Variants in CCDC163 observed in about 807,000 individuals in gnomAD.
CCDC163 encodes transmembrane protein CCDC163.
CCDC163 carries 13 observed loss-of-function variants against 8.2 expected under a neutral mutation model. That is an observed-to-expected ratio of 1.59 (90% CI 1.04 to 2.54). The LOEUF (loss-of-function observed/expected upper bound fraction) is 2.54. CCDC163 is among the 30% of genes most tolerant of loss of function. The pLI is 0.00. For missense variants in CCDC163, 117 were observed against 78.6 expected, an observed-to-expected ratio of 1.49 and a Z score of -1.85; for synonymous variants, 41 against 30.9, an observed-to-expected ratio of 1.33 and a Z score of -1.08.
At chr1:45,499,205 G>C in intron 2 of CCDC163, 140 bp downstream of exon 2, 1 of 670,916 alleles carries the variant, frequency 1.5e-6, no homozygotes. Context: ...ATAAGGAAGG[G>C]TTAAGTGCAG....
chr1:45,496,972 C>T (rs1654207242), intron 3 of CCDC163, among the ~76,000 whole-genome samples: 1 of 152,112 alleles, frequency 6.6e-6, no homozygotes, highest in African/African-American at 2.4e-5. Flanking sequence ...ACCAGCTCGG[C>T]CAACATGGTG....
chr1:45,495,797 G>C (rs1654071376), intron 4 of CCDC163, among the ~76,000 whole-genome samples: 1 of 151,666 alleles, frequency 6.6e-6, no homozygotes, highest in African/African-American at 2.4e-5. Context: ...CTCTCGAGTA[G>C]CTGGGATTAC....
rs2149314446 is a variant in CCDC163, at chr1:45,495,516, A to G, written c.331-350T>C. The G allele has an allele frequency of 5.7e-6, 4 of 702,914 alleles. No individual in the cohort carries two copies. In the East Asian group the frequency reaches 1.1e-4, roughly 19 times the overall value. 43.5% of individuals were successfully genotyped at this position (702,914 alleles called of 1,614,324 possible). ...CATGGTGAAGGTAGTGGGCAGAGGC[A>G]GCTTAGATTGGACAACATGAATGGA... is the stretch of plus-strand genomic sequence containing the variant. On this transcript the variant is annotated intron_variant, in intron 4 of 4. Coordinates refer to ENST00000629482, the MANE Select transcript of CCDC163 (RefSeq NM_001102601.3).
At position 45,494,662 on chromosome 1, in the gene CCDC163, A is replaced by T; in HGVS notation, c.*397T>A. The stretch of plus-strand genomic sequence containing the variant: ...AAGTTCAACTGAGCTTGCACTCAGA[A>T]GGTACAGCTATAGGCTGGGCATGGT... On this transcript the variant is annotated 3_prime_UTR_variant, in exon 5 of 5. Transcript: ENST00000629482. 8.7e-6 allele frequency: 2 copies of T among 229,976 alleles called. 1 individual carries two copies. The highest frequency in any genetic ancestry group is 1.7e-5 in the Non-Finnish European group (2 of 114,460). 14.2% of individuals were successfully genotyped at this position (229,976 alleles called of 1,614,324 possible).
chr1:45,496,258 C>G (rs1350063411), intron 4 of CCDC163: 1 of 464,650 alleles, frequency 2.2e-6, no homozygotes, highest in Non-Finnish European at 4.0e-6. Context: ...TGCAACTGCT[C>G]TAACATCTGC....
At chr1:45,497,140 C>T (rs1654225917) in intron 3 of CCDC163, among the ~76,000 whole-genome samples, 159 bp downstream of exon 3, 2 of 152,076 alleles carry the variant, frequency 1.3e-5, no homozygotes, top group African/African-American at 4.8e-5. Flanking sequence ...GCCATTGCAA[C>T]ACAGCCTTGG....
At chr1:45,496,935 C>T (rs1159587571) in intron 3 of CCDC163, among the ~76,000 whole-genome samples, 2 of 152,220 alleles carry the variant, frequency 1.3e-5, no homozygotes, top group Non-Finnish European at 2.9e-5. Flanking sequence ...CCAAGGCAGG[C>T]GGATCATCTG....
rs1381543628 is a variant in CCDC163, at chr1:45,497,341, C to G, written c.220G>C (p.Glu74Gln). The change falls in exon 3 of 5, where the codon GAG (glutamate) becomes CAG (glutamine). Residue 74 changes from glutamate (E) to glutamine (Q), a missense_variant. Coordinates refer to ENST00000629482, the MANE Select transcript of CCDC163 (RefSeq NM_001102601.3). Reference protein sequence around the residue: ...VTPAVLWEESEIMQKELKLLQ... With the variant: ...VTPAVLWEESQIMQKELKLLQ... The stretch of plus-strand genomic sequence containing the variant: ...AACTTCAATTCCTTCTGCATAATCT[C>G]TGACTCCTCCCACAGCACTGCAGGA... 1.3e-6 allele frequency: 1 copy of G among 780,322 alleles called. No homozygotes were observed. The highest frequency in any genetic ancestry group is 1.7e-5 in the Admixed American group (1 of 59,018). 48.3% of individuals were successfully genotyped at this position (780,322 alleles called of 1,614,324 possible). A position where few individuals can be genotyped will look rare whatever the true frequency, so the allele number is the denominator to read the frequency against.
intron 4 of CCDC163, chr1:45,495,673 T>G (rs1570797548): frequency 4.2e-6 from 1 of 236,382 alleles, no homozygotes; most frequent in African/African-American, 6.1e-5. Flanking sequence ...TTTTTTTTTT[T>G]TTTTTTTTTT....
At position 45,495,184 on chromosome 1, in the gene CCDC163, G is replaced by A. The variant is rs774038555; in HGVS notation, c.331-18C>T. The A allele has an allele frequency of 7.7e-6, 6 of 780,802 alleles. No individual in the cohort carries two copies. The highest frequency in any genetic ancestry group is 1.7e-5 in the Admixed American group (1 of 59,020). 48.4% of individuals were successfully genotyped at this position (780,802 alleles called of 1,614,324 possible). On this transcript the variant is annotated intron_variant, in intron 4 of 4. Transcript: ENST00000629482. ...CTGGGGATCTAAGAGGAAAGAAAAG[G>A]GAAGAGAAAACAAGTCATCAGCAAG...
rs1643490601 is a variant in CCDC163 at position 45,499,747 on chromosome 1, G to A, written c.-138C>T. On this transcript the variant is annotated 5_prime_UTR_variant, in exon 1 of 5. Coordinates refer to ENST00000629482, the MANE Select transcript of CCDC163 (RefSeq NM_001102601.3). The stretch of plus-strand genomic sequence containing the variant: ...AGGGAAGTGGGGATGCAACACTGGG[G>A]TAGGTGGATGCACTATCAGACCAAA... 2 of 633,904 alleles carry A rather than the reference G, an allele frequency of 3.2e-6. No homozygotes were observed. Among genetic ancestry groups the A allele is most frequent in the Non-Finnish European group, 5.7e-6 (2 of 350,540 alleles). 39.3% of individuals were successfully genotyped at this position (633,904 alleles called of 1,614,324 possible).
intron 4 of CCDC163, among the ~76,000 whole-genome samples, chr1:45,495,754 C>A (rs1654066890): frequency 6.7e-6 from 1 of 149,288 alleles, no homozygotes; most frequent in South Asian, 2.1e-4. Flanking sequence ...GCAACCTCCA[C>A]CTCCTGGGTT....
Position 45,499,785 on chromosome 1 carries a change from T to C in CCDC163, c.-176A>G. ...CTATCAGACCAAAACTGCGATCCTG[T>C]GACTAGGGAAAGGAAGGACGCTCTT... On this transcript the variant is annotated 5_prime_UTR_variant, in exon 1 of 5. Coordinates refer to ENST00000629482, the MANE Select transcript of CCDC163 (RefSeq NM_001102601.3). 1.7e-6 allele frequency: 1 copy of C among 603,232 alleles called. No individual in the cohort carries two copies. The highest frequency in any genetic ancestry group is 3.0e-6 in the Non-Finnish European group (1 of 337,206). 37.4% of individuals were successfully genotyped at this position (603,232 alleles called of 1,614,324 possible).
intron 2 of CCDC163, among the ~76,000 whole-genome samples, chr1:45,497,923 C>T (rs1476844725): frequency 1.0e-4 from 15 of 145,592 alleles, no homozygotes; most frequent in Non-Finnish European, 1.1e-4. Flanking sequence ...ACAATGGCGG[C>T]TTTGTGGAAT....
chr1:45,499,283 C>T (rs541499906), intron 2 of CCDC163, 62 bp downstream of exon 2: 3 of 725,704 alleles, frequency 4.1e-6, no homozygotes, highest in South Asian at 2.9e-5. Context: ...ATGGATGATA[C>T]GGGCACTGGA....
intron 4 of CCDC163, among the ~76,000 whole-genome samples, chr1:45,495,910 G>C (rs756640979): frequency 6.6e-6 from 1 of 151,918 alleles, no homozygotes; most frequent in South Asian, 2.1e-4. Context: ...CGCCCACCTC[G>C]GCCTCCCAAA....
intron 3 of CCDC163, among the ~76,000 whole-genome samples, chr1:45,497,088 G>A (rs1654220097): frequency 6.6e-6 from 1 of 152,116 alleles, no homozygotes; most frequent in African/African-American, 2.4e-5. Flanking sequence ...CAGGAGAATC[G>A]CTTGGACTCG....
Position 45,496,373 on chromosome 1 carries a change from T to C in CCDC163, c.330+183A>G, listed in dbSNP as rs1355253043. Reference sequence around the variant, plus strand: ...TCATGTCGGCAAGGATAGTTTCTCATGGCCGGGAGCAGAAAGGTTAGAAAG... The same window carrying C: ...TCATGTCGGCAAGGATAGTTTCTCACGGCCGGGAGCAGAAAGGTTAGAAAG... On this transcript the variant is annotated intron_variant, in intron 4 of 4. Transcript: ENST00000629482. 5.8e-6 allele frequency: 4 copies of C among 690,818 alleles called. No homozygotes were observed. The South Asian group carries it at 6.0e-5, about 10-fold the overall frequency. 42.8% of individuals were successfully genotyped at this position (690,818 alleles called of 1,614,324 possible). A position where few individuals can be genotyped will look rare whatever the true frequency, so the allele number is the denominator to read the frequency against.
chr1:45,497,706 TGGAGGGGGTCAGCCCCC>T (rs1643368436), intron 2 of CCDC163, among the ~76,000 whole-genome samples: 9 of 14,170 alleles, frequency 6.4e-4, no homozygotes, highest in South Asian at 2.2e-3. Context: ...GGGAGGGAGG[TGGAGGGGGTCAGCCCCC>T]CGCCAGGCCA....
Sources: gnomAD v4.1 joint callset for allele counts (sites outside exome capture counted in the v4.1 genomes callset) on GRCh38, gnomAD v4.1.1 for gene constraint, MANE v1.5 for transcripts, NCBI Gene and HGNC (gene_info 2026-07-23, HGNC 2026-07-21) for gene names.